FAF1: variants seen among roughly 807,000 people sequenced by gnomAD.
The protein encoded by FAF1 is Fas associated factor 1.
Under a neutral mutation model 92.5 loss-of-function variants are expected in FAF1, and 25 were observed. The observed-to-expected ratio is 0.27, with a 90% CI of 0.20 to 0.38. FAF1 has a LOEUF of 0.38. Ranked by LOEUF, FAF1 falls within the 10% of genes least tolerant of loss-of-function variation. FAF1 has a pLI of 1.00. For missense variants in FAF1, 636 were observed against 793.3 expected, an observed-to-expected ratio of 0.80 and a Z score of 2.38; for synonymous variants, 234 against 273.2, an observed-to-expected ratio of 0.86 and a Z score of 1.42.
intron 17 of FAF1, among the ~76,000 whole-genome samples, chr1:50,482,327 T>G (rs1317877342): frequency 6.6e-6 from 1 of 152,222 alleles, no homozygotes; most frequent in Admixed American, 6.5e-5. Flanking sequence ...CTGAGTAGTA[T>G]TCCATTGTAT....
intron 13 of FAF1, among the ~76,000 whole-genome samples, chr1:50,561,969 G>C (rs1345628198): frequency 6.6e-6 from 1 of 152,190 alleles, no homozygotes; most frequent in Admixed American, 6.5e-5. Context: ...GATAGACAAT[G>C]ACCATACAAT....
intron 15 of FAF1, among the ~76,000 whole-genome samples, chr1:50,504,773 T>A (rs1295877297): frequency 6.6e-6 from 1 of 152,208 alleles, no homozygotes; most frequent in Admixed American, 6.5e-5. Context: ...ATGCTGCTGA[T>A]CCAATGATAA....
chr1:50,822,158 G>T (rs903522210), intron 2 of FAF1, among the ~76,000 whole-genome samples: 2 of 150,918 alleles, frequency 1.3e-5, no homozygotes, highest in African/African-American at 4.9e-5. Context: ...GAGAAAAAAA[G>T]AAACCAGAAT....
chr1:50,815,616 A>G (rs1000639705), intron 2 of FAF1, among the ~76,000 whole-genome samples: 3 of 152,196 alleles, frequency 2.0e-5, no homozygotes, highest in African/African-American at 7.2e-5. Context: ...TCTTTGAGAA[A>G]TCTCTAAACT....
intron 1 of FAF1, among the ~76,000 whole-genome samples, chr1:50,891,498 T>C (rs1292718775): frequency 3.9e-5 from 6 of 152,206 alleles, no homozygotes; most frequent in Non-Finnish European, 8.8e-5. Flanking sequence ...TGTTTTTATC[T>C]ACCTTTGGTC....
intron 13 of FAF1, among the ~76,000 whole-genome samples, chr1:50,558,487 G>A (rs1313597301): frequency 2.0e-5 from 3 of 152,092 alleles, no homozygotes; most frequent in African/African-American, 7.2e-5. Flanking sequence ...AGACAGTGAT[G>A]ATTCTTTTAA....
chr1:50,713,667 T>C (rs987709020), intron 6 of FAF1, among the ~76,000 whole-genome samples: 4 of 152,120 alleles, frequency 2.6e-5, no homozygotes, highest in Non-Finnish European at 5.9e-5. Context: ...GGTTTTGCTA[T>C]GTTGACCATG....
At chr1:50,785,293 A>C (rs961958838) in intron 4 of FAF1, among the ~76,000 whole-genome samples, 1 of 152,072 alleles carries the variant, frequency 6.6e-6, no homozygotes, top group Non-Finnish European at 1.5e-5. Context: ...GGACTTTATC[A>C]AATTAAAAAG....
chr1:50,568,148 GTAC>G (rs1650256135), intron 12 of FAF1, among the ~76,000 whole-genome samples: 1 of 152,048 alleles, frequency 6.6e-6, no homozygotes, highest in Non-Finnish European at 1.5e-5. Context: ...TAACTTCTTG[GTAC>G]TACCTCAAAG....
intron 6 of FAF1, among the ~76,000 whole-genome samples, chr1:50,707,097 G>A (rs979995051): frequency 6.6e-6 from 1 of 151,964 alleles, no homozygotes; most frequent in South Asian, 2.1e-4. Flanking sequence ...CAGCTACTTG[G>A]GAGGCTGAGG....
intron 3 of FAF1, among the ~76,000 whole-genome samples, chr1:50,797,357 A>G (rs1055601971): frequency 2.0e-5 from 3 of 152,166 alleles, no homozygotes. Flanking sequence ...TCATCTAACC[A>G]TGTAATCATT....
At chr1:50,865,697 G>A in intron 1 of FAF1, among the ~76,000 whole-genome samples, 1 of 99,496 alleles carries the variant, frequency 1.0e-5, no homozygotes, top group Admixed American at 1.1e-4. Flanking sequence ...GTGGGGTGGG[G>A]GGAGGGGGGA....
rs1644401930 is a variant in FAF1 at position 50,857,816 on chromosome 1, C to G, written c.114+113G>C. 5.3e-6 allele frequency: 3 copies of G among 561,204 alleles called. No homozygotes were observed. The South Asian group carries it at 8.7e-5, about 16-fold the overall frequency. 34.8% of individuals were successfully genotyped at this position (561,204 alleles called of 1,614,324 possible). The stretch of plus-strand genomic sequence containing the variant: ...TGGCATTTAGACTTTATTAACTCAG[C>G]TTAGAGTTATAGATGAGCTATGGTA... On this transcript the variant is annotated intron_variant, in intron 2 of 18. Coordinates refer to ENST00000396153, the MANE Select transcript of FAF1 (RefSeq NM_007051.3).
intron 15 of FAF1, among the ~76,000 whole-genome samples, chr1:50,517,015 T>A (rs906888705): frequency 1.3e-5 from 2 of 152,206 alleles, no homozygotes; most frequent in African/African-American, 2.4e-5. Flanking sequence ...TTCTAGTATA[T>A]CTTTTCCTCA....
At chr1:50,558,372 A>G (rs1203292242) in intron 13 of FAF1, among the ~76,000 whole-genome samples, 1 of 152,138 alleles carries the variant, frequency 6.6e-6, no homozygotes, top group African/African-American at 2.4e-5. Flanking sequence ...ATAACTATAC[A>G]TGAGTACACT....
chr1:50,739,342 G>C (rs146446625), intron 5 of FAF1, among the ~76,000 whole-genome samples: 1 of 147,796 alleles, frequency 6.8e-6, no homozygotes, highest in Non-Finnish European at 1.5e-5. Context: ...ACACGTACAT[G>C]CATATACATG....
At chr1:50,745,151 A>G (rs1246318622) in intron 4 of FAF1, among the ~76,000 whole-genome samples, 3 of 152,050 alleles carry the variant, frequency 2.0e-5, no homozygotes, top group Non-Finnish European at 4.4e-5. Flanking sequence ...ATACAAAAAA[A>G]TTAGCCAAGC....
chr1:50,790,082 A>G (rs1213892449), intron 3 of FAF1, among the ~76,000 whole-genome samples: 1 of 152,204 alleles, frequency 6.6e-6, no homozygotes. Flanking sequence ...AGTATGATTA[A>G]TGATTTGACA....
chr1:50,758,600 C>A (rs1053657642), intron 4 of FAF1, among the ~76,000 whole-genome samples: 1 of 152,182 alleles, frequency 6.6e-6, no homozygotes, highest in Non-Finnish European at 1.5e-5. Context: ...TTTACAATTT[C>A]TAGTGCTCTT....
Sources: allele counts gnomAD v4.1 joint callset (sites outside exome capture counted in the v4.1 genomes callset), GRCh38; gene constraint gnomAD v4.1.1; transcripts MANE v1.5; gene names NCBI Gene and HGNC (gene_info 2026-07-23, HGNC 2026-07-21).